The following BRWD1 variants were observed in gnomAD, a reference collection of about 807,000 sequenced individuals.
BRWD1 encodes the protein bromodomain and WD repeat domain containing 1.
BRWD1 carries 82 observed loss-of-function variants against 251.2 expected under a neutral mutation model. The ratio of observed to expected loss-of-function variants is 0.33; its 90% CI spans 0.27 to 0.39. The LOEUF is 0.39. Among genes scored for constraint, BRWD1 ranks in the 10% least tolerant of loss-of-function variants. The pLI is 1.00. For synonymous variants in BRWD1, 918 were observed against 902.8 expected, an observed-to-expected ratio of 1.02 and a Z score of -0.30; for missense variants, 2,233 against 2,711.6, an observed-to-expected ratio of 0.82 and a Z score of 3.92.
At chr21:39,301,478 C>T (rs1426296544) in intron 4 of BRWD1, among the ~76,000 whole-genome samples, 1 of 73,982 alleles carries the variant, frequency 1.4e-5, no homozygotes, top group Non-Finnish European at 3.5e-5. Context: ...AAACTGAGGC[C>T]CTCAGTCAAA....
At chr21:39,264,819 T>G in intron 16 of BRWD1, 72 bp downstream of exon 16, 1 of 1,565,364 alleles carries the variant, frequency 6.4e-7, no homozygotes. Flanking sequence ...AAAACATAGC[T>G]CATAACTACT....
intron 12 of BRWD1, among the ~76,000 whole-genome samples, chr21:39,275,852 G>A (rs1447549900): frequency 2.0e-5 from 3 of 152,008 alleles, no homozygotes; most frequent in Non-Finnish European, 2.9e-5. Context: ...GACCAACATG[G>A]AGGAACCCCG....
At chr21:39,222,841 T>C (rs1218293411) in intron 29 of BRWD1, among the ~76,000 whole-genome samples, 1 of 152,118 alleles carries the variant, frequency 6.6e-6, no homozygotes, top group East Asian at 1.9e-4. Context: ...GGAAAAAGTA[T>C]TTACTTTACA....
chr21:39,194,364 G>A lies in BRWD1; in HGVS notation c.*1895C>T. On this transcript the variant is annotated 3_prime_UTR_variant, in exon 41 of 41. Transcript: ENST00000342449. ...TAAGAAGAGTTTAAATAAATTAATG[G>A]ATTTGACATCTATCACCAGTTTTTA... 1 of 1,080,124 alleles carries A rather than the reference G, an allele frequency of 9.3e-7. No individual in the cohort carries two copies. The highest frequency in any genetic ancestry group is 1.1e-6 in the Non-Finnish European group (1 of 890,382). 66.9% of individuals were successfully genotyped at this position (1,080,124 alleles called of 1,614,324 possible). A position where few individuals can be genotyped will look rare whatever the true frequency, so the allele number is the denominator to read the frequency against.
chr21:39,188,768 C>G lies in BRWD1; in HGVS notation c.*7491G>C. The G allele has an allele frequency of 4.1e-6, 4 of 985,384 alleles. No homozygotes were observed. Among genetic ancestry groups the G allele is most frequent in the Non-Finnish European group, 4.8e-6 (4 of 829,920 alleles). The allele number at this position is 985,384 out of a possible 1,614,324, so 61.0% of individuals were successfully genotyped here. A position where few individuals can be genotyped will look rare whatever the true frequency, so the allele number is the denominator to read the frequency against. On this transcript the variant is annotated 3_prime_UTR_variant, in exon 41 of 41. Coordinates refer to ENST00000342449, the MANE Select transcript of BRWD1 (RefSeq NM_033656.4). ...AGAATAGGTTAGGAAATACTTTATT[C>G]AAAGCAACCCCACCACATACACATC...
In BRWD1 at chr21:39,274,427, A is replaced by C. The variant is rs145542359; in HGVS notation, c.1191T>G (p.Phe397Leu). The C allele has an allele frequency of 1.2e-6, 2 of 1,614,032 alleles. No individual in the cohort carries two copies. Among genetic ancestry groups the C allele is most frequent in the Non-Finnish European group, 1.7e-6 (2 of 1,179,990 alleles). ...SRDGTARIWR[F>L]EQLEWRSILL... is the part of the protein sequence containing the mutation. ...AAATGCTCCTCCATTCTAACTGCTCAAATCTCCAAATCCGTGCTGTTCCAT... is the reference window on the plus strand; with the variant it reads ...AAATGCTCCTCCATTCTAACTGCTCCAATCTCCAAATCCGTGCTGTTCCAT... The change falls in exon 13 of 41, where the codon TTT becomes TTG. Residue 397 changes from phenylalanine (F) to leucine (L), a missense_variant. Physicochemically the swap from Phe to Leu is conservative, Grantham distance 22 (BLOSUM62 0). Around this residue, in one of 12 missense-constraint regions of BRWD1, gnomAD observed 315 missense variants for 421.8 expected, o/e 0.75. Transcript: ENST00000342449.
chr21:39,220,448 C>G (rs541957090), intron 29 of BRWD1, among the ~76,000 whole-genome samples: 1 of 152,300 alleles, frequency 6.6e-6, no homozygotes, highest in East Asian at 1.9e-4. Context: ...ACCCATCTAC[C>G]ATATCTTAAA....
intron 8 of BRWD1, among the ~76,000 whole-genome samples, chr21:39,281,008 T>C (rs1236090393): frequency 6.6e-6 from 1 of 151,884 alleles, no homozygotes; most frequent in Non-Finnish European, 1.5e-5. Flanking sequence ...AGTAGGAAAA[T>C]GCAAGGAAAA....
chr21:39,264,755 G>C (rs2034867534), intron 16 of BRWD1, 70 bp from the exon 17 acceptor site: 2 of 1,487,568 alleles, frequency 1.3e-6, no homozygotes, highest in Admixed American at 2.2e-5. Context: ...ATATTAAACA[G>C]TTAATTAAAA....
chr21:39,296,311 T>C lies in BRWD1; in HGVS notation c.402A>G (p.Gly134=). The C allele has an allele frequency of 2.5e-6, 4 of 1,602,230 alleles. No individual in the cohort carries two copies. Among genetic ancestry groups the C allele is most frequent in the Middle Eastern group, 3.3e-4 (2 of 6,024 alleles). Residue 134 remains glycine (G), a synonymous_variant, in exon 6 of 41, where the codon GGA becomes GGG. Transcript: ENST00000342449. ...AATTCACTGGCATTTCAGGAGGTCT[T>C]CCTCTATGAAGAGCAGCAAAGGCAG... ...KGSAFAALHR[G]RPPEMPVNYG... is the part of the protein sequence containing the mutation.
intron 17 of BRWD1, among the ~76,000 whole-genome samples, chr21:39,264,234 T>G (rs1405270198): frequency 6.6e-6 from 1 of 152,130 alleles, no homozygotes; most frequent in Non-Finnish European, 1.5e-5. Context: ...CTAATTGTCA[T>G]AAGTGTCTAT....
intron 36 of BRWD1, among the ~76,000 whole-genome samples, chr21:39,208,978 C>CA (rs11401609): frequency 0.44 from 59,259 of 135,834 alleles, 12,813 homozygotes; most frequent in Non-Finnish European, 0.53. Flanking sequence ...TACAAAATGA[C>CA]AAAAAAAAAA....
intron 8 of BRWD1, among the ~76,000 whole-genome samples, chr21:39,282,775 T>G (rs762619650): frequency 6.6e-6 from 1 of 152,018 alleles, no homozygotes; most frequent in Non-Finnish European, 1.5e-5. Context: ...CTGATCAACA[T>G]GGTGAAACCC....
chr21:39,190,754 T>A lies in BRWD1; in HGVS notation c.*5505A>T. 8 of 985,416 alleles carry A rather than the reference T, an allele frequency of 8.1e-6. No homozygotes were observed. The highest frequency in any genetic ancestry group is 9.6e-6 in the Non-Finnish European group (8 of 829,918). 61.0% of individuals were successfully genotyped at this position (985,416 alleles called of 1,614,324 possible). A position where few individuals can be genotyped will look rare whatever the true frequency, so the allele number is the denominator to read the frequency against. ...AATGGTTTCTGTAACTTGCTGTGTTTTTAAACAGTTCCGTTTTCTAGGGGG... is the reference window on the plus strand; with the variant it reads ...AATGGTTTCTGTAACTTGCTGTGTTATTAAACAGTTCCGTTTTCTAGGGGG... On this transcript the variant is annotated 3_prime_UTR_variant, in exon 41 of 41. Transcript: ENST00000342449.
At chr21:39,297,748 T>C (rs1223047781) in intron 5 of BRWD1, 4 of 516,800 alleles carry the variant, frequency 7.7e-6, no homozygotes, top group Non-Finnish European at 9.9e-6. Flanking sequence ...TAGCTCGTAA[T>C]AAAAAATAAT....
intron 7 of BRWD1, among the ~76,000 whole-genome samples, chr21:39,295,173 ATGTTTT>A (rs1230218444): frequency 2.8e-3 from 243 of 88,250 alleles, no homozygotes; most frequent in African/African-American, 0.011. Context: ...AGGTATGTCT[ATGTTTT>A]TTTTTTTTTT....
chr21:39,273,497 A>T (rs1212455393), intron 13 of BRWD1, among the ~76,000 whole-genome samples: 1 of 152,196 alleles, frequency 6.6e-6, no homozygotes, highest in Non-Finnish European at 1.5e-5. Flanking sequence ...AAAACAAAGC[A>T]TTTGGGAGGC....
intron 29 of BRWD1, among the ~76,000 whole-genome samples, chr21:39,222,274 A>G (rs2033209686): frequency 1.3e-5 from 2 of 152,212 alleles, no homozygotes; most frequent in Admixed American, 1.3e-4. Flanking sequence ...AATGGAAGCA[A>G]TCCAAATGCC....
intron 16 of BRWD1, 98 bp downstream of exon 16, chr21:39,264,793 C>T: frequency 1.3e-6 from 2 of 1,529,614 alleles, no homozygotes; most frequent in Non-Finnish European, 1.8e-6. Context: ...TCAAATCACT[C>T]AGCTAAACTG....
Sources: allele counts gnomAD v4.1 joint callset (sites outside exome capture counted in the v4.1 genomes callset), GRCh38; gene constraint gnomAD v4.1.1; regional missense constraint gnomAD v4.1.1; transcripts MANE v1.5; gene names NCBI Gene and HGNC (gene_info 2026-07-23, HGNC 2026-07-21).